Variants in CSF1R observed in about 807,000 individuals in gnomAD.
The protein encoded by CSF1R is macrophage colony-stimulating factor 1 receptor.
Under a neutral mutation model 110.0 loss-of-function variants are expected in CSF1R, and 40 were observed. That is an observed-to-expected ratio of 0.36 (90% CI 0.28 to 0.47). The LOEUF is 0.47. Among genes scored for constraint, CSF1R ranks in the 20% least tolerant of loss-of-function variants. The pLI is 0.99. For synonymous variants in CSF1R, 523 were observed against 503.4 expected (o/e 1.04, Z -0.52); for missense variants, 1,052 against 1,253.0 (o/e 0.84, Z 2.42).
At position 150,070,225 on chromosome 5, in the gene CSF1R, G is replaced by A; in HGVS notation, c.1276C>T (p.Gln426Ter). The change falls in exon 8 of 21, where the codon CAG (glutamine) becomes TAG (stop). Residue 426 changes from glutamine to a stop codon, truncating the protein, a stop_gained. Transcript: ENST00000675795. LOFTEE classifies it high-confidence loss of function. ...TLLCAASGYP[Q>*]PNVTWLQCSG... The stretch of plus-strand genomic sequence containing the variant: ...CACTGCAGCCATGTCACGTTGGGCT[G>A]GGGGTACCCAGAGGCAGCACACAAA... 1 of 1,614,118 alleles carries A rather than the reference G, an allele frequency of 6.2e-7. No individual in the cohort carries two copies. Among genetic ancestry groups the A allele is most frequent in the East Asian group, 2.2e-5 (1 of 44,878 alleles).
chr5:150,068,412 A>T (rs1392328134), intron 9 of CSF1R, 82 bp from the exon 10 acceptor site: 1 of 876,022 alleles, frequency 1.1e-6, no homozygotes. Context: ...TGCCTGGAAC[A>T]CAGTGGGTGC....
At chr5:150,076,226 C>T (rs373142125) in intron 5 of CSF1R, among the ~76,000 whole-genome samples, 2 of 152,332 alleles carry the variant, frequency 1.3e-5, no homozygotes, top group South Asian at 4.1e-4. Context: ...GGTTCCCACC[C>T]AACCCACATG....
At chr5:150,086,308 A>C (rs1758843088) in intron 1 of CSF1R, 71 bp downstream of exon 1, 2 of 1,471,460 alleles carry the variant, frequency 1.4e-6, no homozygotes, top group Non-Finnish European at 1.9e-6. Context: ...AGGGGCAAGG[A>C]CTGAATCCTT....
At chr5:150,094,263 T>C (rs1448312767) in intron 1 of CSF1R, 4 of 1,393,460 alleles carry the variant, frequency 2.9e-6, no homozygotes, top group Non-Finnish European at 9.9e-7. Flanking sequence ...GTATATGCAC[T>C]TTAGAACAGA....
In CSF1R at chr5:150,073,464, G is replaced by T; in HGVS notation, c.919C>A (p.Gln307Lys). The T allele has an allele frequency of 6.2e-7, 1 of 1,613,986 alleles. No homozygotes were observed. Among genetic ancestry groups the T allele is most frequent in the South Asian group, 1.1e-5 (1 of 91,066 alleles). ...ACGGTCACCTCCTGGATGAGGTTCT[G>T]CTCAGAGCTCAAGTTCAAGTAGGCA... Reference protein sequence around the residue: ...ESAYLNLSSEQNLIQEVTVGE... With the variant: ...ESAYLNLSSEKNLIQEVTVGE... Residue 307 changes from glutamine (Q) to lysine (K), a missense_variant, in exon 6 of 21, where the codon CAG (glutamine) becomes AAG (lysine). By Grantham distance (53) the Gln-to-Lys change is moderately conservative (BLOSUM62 1). Around this residue, in one of 5 missense-constraint regions of CSF1R, gnomAD observed 693 missense variants for 735.4 expected, o/e 0.94. Coordinates refer to ENST00000675795, the MANE Select transcript of CSF1R (RefSeq NM_001288705.3).
exon 1 of CSF1R, chr5:150,113,306 T>G: frequency 6.4e-6 from 1 of 155,688 alleles, no homozygotes; most frequent in Admixed American, 6.5e-5. Flanking sequence ...TTCCTCTTCC[T>G]CTTCTCTCTT....
chr5:150,069,687 G>A (rs949658063), intron 9 of CSF1R, among the ~76,000 whole-genome samples, 186 bp downstream of exon 9: 1 of 152,082 alleles, frequency 6.6e-6, no homozygotes, highest in African/African-American at 2.4e-5. Flanking sequence ...CTACTGCTTC[G>A]GGGGACCTGC....
chr5:150,070,591 G>A lies in CSF1R; in HGVS notation c.1083-20C>T, dbSNP rs571907422. 3.4e-6 allele frequency: 5 copies of A among 1,484,102 alleles called. No homozygotes were observed. In the Admixed American group the frequency reaches 9.7e-5, roughly 29 times the overall value. 91.9% of individuals were successfully genotyped at this position (1,484,102 alleles called of 1,614,324 possible). A position where few individuals can be genotyped will look rare whatever the true frequency, so the allele number is the denominator to read the frequency against. On this transcript the variant is annotated intron_variant, in intron 6 of 20. Transcript: ENST00000675795. ...GTGTGCCTGCAGGAGAGAATCAGGT[G>A]GTGTTGGTGAGCCCCAGCCTAGTAT... is the stretch of plus-strand genomic sequence containing the variant.
At chr5:150,083,715 G>A (rs555811464) in intron 1 of CSF1R, among the ~76,000 whole-genome samples, 1 of 152,176 alleles carries the variant, frequency 6.6e-6, no homozygotes, top group Admixed American at 6.5e-5. Flanking sequence ...TGGAAACTGA[G>A]TCATGCAAGA....
chr5:150,112,572 C>T (rs888748775), intron 1 of CSF1R, among the ~76,000 whole-genome samples: 12 of 152,252 alleles, frequency 7.9e-5, no homozygotes, highest in African/African-American at 2.7e-4. Flanking sequence ...AAGATAATCC[C>T]TGTCTGGAAT....
chr5:150,096,617 A>G (rs1252145793), intron 1 of CSF1R, among the ~76,000 whole-genome samples: 1 of 152,230 alleles, frequency 6.6e-6, no homozygotes, highest in Non-Finnish European at 1.5e-5. Context: ...AAGTATATAT[A>G]AAAAGGATAA....
chr5:150,069,854 T>A lies in CSF1R; in HGVS notation c.1510+19A>T, dbSNP rs1173905422. The A allele has an allele frequency of 6.4e-7, 1 of 1,566,490 alleles. No homozygotes were observed. The highest frequency in any genetic ancestry group is 1.7e-5 in the Admixed American group (1 of 57,982). The stretch of plus-strand genomic sequence containing the variant: ...GGGGCGGGCGGGGGGGCGGTGCGGG[T>A]GCGAAGGCTCCCTCTCACCTGCAGA... On this transcript the variant is annotated intron_variant, in intron 9 of 20. Coordinates refer to ENST00000675795, the MANE Select transcript of CSF1R (RefSeq NM_001288705.3).
intron 1 of CSF1R, among the ~76,000 whole-genome samples, chr5:150,113,100 G>A (rs1346288546): frequency 6.6e-6 from 1 of 152,128 alleles, no homozygotes; most frequent in East Asian, 1.9e-4. Flanking sequence ...TGCTGCCGGG[G>A]TCCCACAGGC....
At chr5:150,105,693 C>A (rs1477867407) in intron 1 of CSF1R, among the ~76,000 whole-genome samples, 1 of 151,990 alleles carries the variant, frequency 6.6e-6, no homozygotes, top group Non-Finnish European at 1.5e-5. Flanking sequence ...GACTAATTTT[C>A]TATTTCTTTT....
At chr5:150,111,463 C>T (rs1759715011) in intron 1 of CSF1R, among the ~76,000 whole-genome samples, 2 of 152,248 alleles carry the variant, frequency 1.3e-5, no homozygotes, top group Admixed American at 1.3e-4. Context: ...GAGGCCCAAG[C>T]CCTCCCACAA....
intron 1 of CSF1R, among the ~76,000 whole-genome samples, chr5:150,102,562 C>A (rs184453892): frequency 6.6e-6 from 1 of 152,320 alleles, no homozygotes; most frequent in Non-Finnish European, 1.5e-5. Flanking sequence ...TCACTGCAAC[C>A]TCTGACTCCC....
intron 1 of CSF1R, among the ~76,000 whole-genome samples, chr5:150,097,496 CTGTT>C (rs1434850796): frequency 1.3e-5 from 2 of 151,996 alleles, no homozygotes; most frequent in Admixed American, 6.6e-5. Context: ...ATAATGGTCT[CTGTT>C]TGGAGATGAA....
chr5:150,105,874 C>A (rs1005672846), intron 1 of CSF1R, among the ~76,000 whole-genome samples: 2 of 152,212 alleles, frequency 1.3e-5, no homozygotes, highest in Non-Finnish European at 2.9e-5. Context: ...CCACAGCAGG[C>A]TCTTTCCATA....
intron 12 of CSF1R, among the ~76,000 whole-genome samples, 181 bp from the exon 13 acceptor site, chr5:150,061,153 G>A (rs1350071102): frequency 6.6e-6 from 1 of 152,170 alleles, no homozygotes; most frequent in Non-Finnish European, 1.5e-5. Flanking sequence ...GGCAGAGAGA[G>A]AGAGAGGAGG....
Sources: allele counts gnomAD v4.1 joint callset (sites outside exome capture counted in the v4.1 genomes callset), GRCh38; gene constraint gnomAD v4.1.1; regional missense constraint gnomAD v4.1.1; transcripts MANE v1.5; gene names NCBI Gene and HGNC (gene_info 2026-07-23, HGNC 2026-07-21).